MYBPC1: variants seen among roughly 807,000 people sequenced by gnomAD.
MYBPC1 encodes the protein myosin binding protein C1.
A neutral mutation model predicts 147.1 loss-of-function variants in MYBPC1; 52 were observed. The observed-to-expected ratio is 0.35, with a 90% CI of 0.28 to 0.45. The LOEUF (loss-of-function observed/expected upper bound fraction) is 0.45. Ranked by LOEUF, MYBPC1 falls within the 20% of genes least tolerant of loss-of-function variation. The probability of loss-of-function intolerance (pLI) is 1.00; values close to 1 mark genes in which losing one functional copy is unlikely to be tolerated. For missense variants in MYBPC1, 1,228 were observed against 1,440.3 expected (o/e 0.85, Z 2.39); for synonymous variants, 477 against 475.9 (o/e 1.00, Z -0.03).
chr12:101,676,898 C>G (rs1312997769), intron 26 of MYBPC1, among the ~76,000 whole-genome samples: 1 of 151,888 alleles, frequency 6.6e-6, no homozygotes. Context: ...GCTAGGAAGA[C>G]AAATAGGTAG....
chr12:101,631,781 G>T (rs931255863), intron 7 of MYBPC1, 62 bp downstream of exon 7: 9 of 1,608,592 alleles, frequency 5.6e-6, no homozygotes, highest in Non-Finnish European at 5.9e-6. Context: ...GTGAATAAAT[G>T]ATTATTTTCA....
In MYBPC1 at chr12:101,680,253, G is replaced by T. The variant is rs987951051; in HGVS notation, c.3247-90G>T. On this transcript the variant is annotated intron_variant, in intron 28 of 31. Coordinates refer to ENST00000361466, the MANE Select transcript of MYBPC1 (RefSeq NM_002465.4). ...CAGATGCACTTTCTTTTTAAGCCAT[G>T]CTTTAAAATTCTGTCACTGGCTTTG... 4.7e-6 allele frequency: 6 copies of T among 1,265,468 alleles called. No individual in the cohort carries two copies. The African/African-American group carries it at 7.4e-5, about 16-fold the overall frequency. 78.4% of individuals were successfully genotyped at this position (1,265,468 alleles called of 1,614,324 possible).
intron 14 of MYBPC1, among the ~76,000 whole-genome samples, chr12:101,648,664 C>T (rs1893742909): frequency 6.6e-6 from 1 of 152,056 alleles, no homozygotes; most frequent in East Asian, 1.9e-4. Context: ...TTCATGTAAC[C>T]CCTAGTCACT....
chr12:101,642,033 A>G (rs11110904), intron 10 of MYBPC1, among the ~76,000 whole-genome samples: 4,230 of 152,276 alleles, frequency 0.028, 281 homozygotes, highest in East Asian at 0.26. Context: ...TTCTAGTCCA[A>G]TTTTCAATAA....
intron 18 of MYBPC1, among the ~76,000 whole-genome samples, chr12:101,655,741 G>A (rs1332872322): frequency 6.6e-6 from 1 of 152,104 alleles, no homozygotes; most frequent in Non-Finnish European, 1.5e-5. Context: ...CAAAACTTTA[G>A]GGAATTTGTT....
chr12:101,689,178 CT>C (rs989700082), downstream of MYBPC1, among the ~76,000 whole-genome samples: 4 of 152,138 alleles, frequency 2.6e-5, no homozygotes, highest in Non-Finnish European at 5.9e-5. Flanking sequence ...TATTACTTCA[CT>C]TTTCTAAATC....
intron 25 of MYBPC1, among the ~76,000 whole-genome samples, chr12:101,674,396 A>G (rs1261825068): frequency 6.6e-6 from 1 of 152,196 alleles, no homozygotes; most frequent in African/African-American, 2.4e-5. Flanking sequence ...GTACCTAAGC[A>G]AAATTGAACA....
chr12:101,602,310 G>A (rs900284879), intron 1 of MYBPC1, among the ~76,000 whole-genome samples: 4 of 152,156 alleles, frequency 2.6e-5, no homozygotes, highest in African/African-American at 9.7e-5. Context: ...CACCTCCCTG[G>A]TTCAAGCAAT....
chr12:101,604,312 C>A (rs1006655477), intron 1 of MYBPC1, among the ~76,000 whole-genome samples: 3 of 152,156 alleles, frequency 2.0e-5, no homozygotes, highest in Non-Finnish European at 4.4e-5. Context: ...GGAAAAAAAA[C>A]CCTGTAGATT....
intron 10 of MYBPC1, among the ~76,000 whole-genome samples, chr12:101,641,112 A>C (rs1891931025): frequency 1.6e-5 from 2 of 123,568 alleles, no homozygotes; most frequent in African/African-American, 6.0e-5. Context: ...ACTCTGTCTC[A>C]AAGAAAAAAA....
chr12:101,676,729 T>C (rs2136784837), intron 26 of MYBPC1, among the ~76,000 whole-genome samples: 1 of 151,802 alleles, frequency 6.6e-6, no homozygotes, highest in East Asian at 1.9e-4. Context: ...CCAGCCTGGG[T>C]GACAGAGTGA....
At chr12:101,596,075 A>G (rs1877130756) in intron 1 of MYBPC1, among the ~76,000 whole-genome samples, 4 of 152,224 alleles carry the variant, frequency 2.6e-5, no homozygotes, top group Admixed American at 2.6e-4. Flanking sequence ...ATTAGCAGGA[A>G]ACATAAAAAT....
intron 10 of MYBPC1, among the ~76,000 whole-genome samples, 178 bp from the exon 11 acceptor site, chr12:101,642,241 G>T (rs1892201489): frequency 6.6e-6 from 1 of 152,160 alleles, no homozygotes; most frequent in Non-Finnish European, 1.5e-5. Flanking sequence ...TCTACTACCT[G>T]CAAGTTTCCC....
At chr12:101,642,328 C>G in intron 10 of MYBPC1, 91 bp from the exon 11 acceptor site, 1 of 1,375,230 alleles carries the variant, frequency 7.3e-7, no homozygotes, top group Non-Finnish European at 1.0e-6. Context: ...CTTTTTTACA[C>G]TGAACTGAAA....
intron 18 of MYBPC1, among the ~76,000 whole-genome samples, chr12:101,658,388 T>A: frequency 6.7e-6 from 1 of 149,898 alleles, no homozygotes. Context: ...TTCAATCTGA[T>A]AAAAAAAAAA....
At chr12:101,681,545 A>C (rs1275788828) in intron 29 of MYBPC1, among the ~76,000 whole-genome samples, 1 of 120,904 alleles carries the variant, frequency 8.3e-6, no homozygotes, top group Non-Finnish European at 1.7e-5. Context: ...TTCTTGAACA[A>C]AATAACTTTC....
downstream of MYBPC1, among the ~76,000 whole-genome samples, chr12:101,688,296 G>A (rs1951378651): frequency 6.6e-6 from 1 of 152,086 alleles, no homozygotes; most frequent in African/African-American, 2.4e-5. Flanking sequence ...GCACACAACT[G>A]TAGTCTCAGC....
In MYBPC1 at chr12:101,659,807, G is replaced by A. The variant is rs1896218318; in HGVS notation, c.1903G>A (p.Ala635Thr). ...GAAAAACGAAGCTGGAGAGGCACATGCAAGCATCAAGGTTAAAGTTGTGGG... is the reference window on the plus strand; with the variant it reads ...GAAAAACGAAGCTGGAGAGGCACATACAAGCATCAAGGTTAAAGTTGTGGG... ...NLKNEAGEAHASIKVKVVDFP... is the reference protein window; with the variant it reads ...NLKNEAGEAHTSIKVKVVDFP... The change falls in exon 19 of 32, where the codon GCA becomes ACA. Residue 635 changes from alanine to threonine, a missense_variant. Ala to Thr is a moderately conservative substitution (Grantham distance 58). Around this residue, in one of 2 missense-constraint regions of MYBPC1, gnomAD observed 1,077 missense variants for 1,314.2 expected, o/e 0.82. Transcript: ENST00000361466. The A allele has an allele frequency of 1.2e-6, 2 of 1,614,146 alleles. No homozygotes were observed. Among genetic ancestry groups the A allele is most frequent in the Admixed American group, 1.7e-5 (1 of 60,016 alleles).
chr12:101,626,192 TAAATA>T (rs549327820), intron 3 of MYBPC1, among the ~76,000 whole-genome samples: 176 of 149,394 alleles, frequency 1.2e-3, no homozygotes, highest in African/African-American at 4.1e-3. Context: ...CCAAAACAAA[TAAATA>T]AAATGTGAAC....
Sources: allele counts gnomAD v4.1 joint callset (sites outside exome capture counted in the v4.1 genomes callset), GRCh38; gene constraint gnomAD v4.1.1; regional missense constraint gnomAD v4.1.1; transcripts MANE v1.5; gene names NCBI Gene and HGNC (gene_info 2026-07-23, HGNC 2026-07-21).